The following AFF1 variants were observed in gnomAD, a reference collection of about 807,000 sequenced individuals.
AFF1 encodes the protein AF4/FMR2 family member 1.
AFF1 carries 48 observed loss-of-function variants against 121.7 expected under a neutral mutation model. The observed-to-expected ratio is 0.39, with a 90% confidence interval of 0.31 to 0.50. The LOEUF is 0.50. Among genes scored for constraint, AFF1 ranks in the 20% least tolerant of loss-of-function variants. The pLI, the probability that AFF1 is intolerant of heterozygous loss-of-function variation, is 0.76. For synonymous variants in AFF1, 613 were observed against 563.0 expected (o/e 1.09, Z -1.26); for missense variants, 1,523 against 1,511.7 (o/e 1.01, Z -0.12).
intron 2 of AFF1, among the ~76,000 whole-genome samples, chr4:86,991,624 C>T (rs1253749126): frequency 6.6e-6 from 1 of 152,102 alleles, no homozygotes; most frequent in African/African-American, 2.4e-5. Context: ...GGCTACTACC[C>T]TTAAGACTCA....
intron 2 of AFF1, among the ~76,000 whole-genome samples, chr4:86,977,915 C>A (rs1003118368): frequency 6.6e-6 from 1 of 152,036 alleles, no homozygotes; most frequent in Non-Finnish European, 1.5e-5. Context: ...TTATCGAGTG[C>A]CTACTGCACA....
Position 87,081,152 on chromosome 4 carries a change from AT to A in AFF1, c.1060-2941del, listed in dbSNP as rs549510832. Among the ~76,000 whole-genome samples, 81 of 89,720 alleles carry A rather than the reference AT, an allele frequency of 9.0e-4. No homozygotes were observed. The South Asian group carries it at 9.1e-3, about 10-fold the overall frequency. 58.9% of individuals were successfully genotyped at this position (89,720 alleles called of 152,430 possible). ...TTGTAGTTTTTCTCTAATGAAATGA[AT>A]TTTTTTTTTTTTTTTTTTTTTTTTT... On this transcript the variant is annotated intron_variant, in intron 4 of 20. Transcript: ENST00000395146.
intron 2 of AFF1, among the ~76,000 whole-genome samples, chr4:87,043,029 G>A (rs1730312179): frequency 6.6e-6 from 1 of 152,202 alleles, no homozygotes; most frequent in South Asian, 2.1e-4. Flanking sequence ...AGGACTCTGA[G>A]CAGCCTGTTA....
chr4:87,029,423 A>G (rs923698614), intron 2 of AFF1, among the ~76,000 whole-genome samples: 1 of 152,164 alleles, frequency 6.6e-6, no homozygotes, highest in East Asian at 1.9e-4. Flanking sequence ...ATGTCTTTTT[A>G]TGTACGTAAA....
rs1422583797 is a variant in AFF1 at position 87,126,339 on chromosome 4, G to A, written c.2811+3G>A. Reference sequence around the variant, plus strand: ...CCAGAAGCTCCTCGGAGCACAAGGTGAGCAGGGGCGGCGGTCACTCTGTAA... The same window carrying A: ...CCAGAAGCTCCTCGGAGCACAAGGTAAGCAGGGGCGGCGGTCACTCTGTAA... On this transcript the variant is annotated splice_donor_region_variant and intron_variant, in intron 14 of 20. Transcript: ENST00000395146. The A allele has an allele frequency of 2.5e-6, 4 of 1,613,118 alleles. No homozygotes were observed. In the Admixed American group the frequency reaches 6.7e-5, roughly 27 times the overall value.
intron 2 of AFF1, among the ~76,000 whole-genome samples, chr4:86,998,348 A>G (rs2149516815): frequency 6.6e-6 from 1 of 152,342 alleles, no homozygotes; most frequent in Middle Eastern, 3.4e-3. Flanking sequence ...AGTGGATTAG[A>G]TGACCCTTAC....
chr4:87,073,384 T>G (rs560244965), intron 4 of AFF1, among the ~76,000 whole-genome samples: 8 of 151,542 alleles, frequency 5.3e-5, no homozygotes, highest in Non-Finnish European at 7.4e-5. Context: ...TTGCCTTCTC[T>G]CTTTTGCGTT....
chr4:87,131,894 T>A, intron 18 of AFF1, 30 bp downstream of exon 18: 3 of 1,506,320 alleles, frequency 2.0e-6, no homozygotes, highest in Non-Finnish European at 2.7e-6. Flanking sequence ...TAAATAGTAC[T>A]AAATTTGTTT....
intron 12 of AFF1, among the ~76,000 whole-genome samples, chr4:87,116,777 G>C (rs1408117151): frequency 6.6e-6 from 1 of 152,190 alleles, no homozygotes; most frequent in Admixed American, 6.5e-5. Context: ...AGCTAGAAGA[G>C]GGCATATTTT....
At chr4:87,051,139 T>C (rs541815773) in intron 4 of AFF1, among the ~76,000 whole-genome samples, 1 of 152,348 alleles carries the variant, frequency 6.6e-6, no homozygotes, top group African/African-American at 2.4e-5. Context: ...CTCTTTCATT[T>C]TGCAAATAAG....
intron 11 of AFF1, 101 bp downstream of exon 11, chr4:87,108,416 C>A: frequency 7.9e-7 from 1 of 1,266,640 alleles, no homozygotes. Context: ...GAGACTGAGT[C>A]ATTCTGTCCC....
At chr4:87,031,497 A>G (rs1729085084) in intron 2 of AFF1, among the ~76,000 whole-genome samples, 2 of 150,508 alleles carry the variant, frequency 1.3e-5, no homozygotes, top group South Asian at 4.2e-4. Flanking sequence ...TAAATTGTGG[A>G]ATCCCTCACC....
At chr4:87,090,741 T>C (rs1724214942) in intron 6 of AFF1, among the ~76,000 whole-genome samples, 1 of 152,118 alleles carries the variant, frequency 6.6e-6, no homozygotes, top group Non-Finnish European at 1.5e-5. Context: ...AGGCCAGGTA[T>C]GGTGGCTCAT....
At chr4:86,954,044 T>TA (rs929971256) in intron 2 of AFF1, among the ~76,000 whole-genome samples, 7 of 152,080 alleles carry the variant, frequency 4.6e-5, no homozygotes, top group African/African-American at 1.7e-4. Context: ...TGAACACATG[T>TA]AACAGATTAA....
At chr4:87,067,244 C>G (rs981345367) in intron 4 of AFF1, among the ~76,000 whole-genome samples, 2 of 152,200 alleles carry the variant, frequency 1.3e-5, no homozygotes, top group African/African-American at 4.8e-5. Flanking sequence ...AGAACATACT[C>G]TGTGTGTACA....
At chr4:87,123,355 A>G (rs1727908847) in intron 12 of AFF1, among the ~76,000 whole-genome samples, 1 of 152,212 alleles carries the variant, frequency 6.6e-6, no homozygotes. Context: ...ATTCAAGTTC[A>G]GGTGCTCCCT....
At chr4:86,977,556 A>G (rs1723392387) in intron 2 of AFF1, among the ~76,000 whole-genome samples, 1 of 151,978 alleles carries the variant, frequency 6.6e-6, no homozygotes, top group South Asian at 2.1e-4. Context: ...CTCCAACCTC[A>G]CCTTTTTCCC....
chr4:87,084,581 T>C (rs1723519989), intron 5 of AFF1, among the ~76,000 whole-genome samples: 1 of 147,928 alleles, frequency 6.8e-6, no homozygotes, highest in Non-Finnish European at 1.5e-5. Flanking sequence ...AATAAATAAA[T>C]AAATAAATAA....
chr4:87,066,075 C>G (rs1385602384), intron 4 of AFF1, among the ~76,000 whole-genome samples: 1 of 152,122 alleles, frequency 6.6e-6, no homozygotes, highest in Non-Finnish European at 1.5e-5. Flanking sequence ...TTCATGGTAC[C>G]AGAACAGGGC....
Sources: gnomAD v4.1 joint callset for allele counts (sites outside exome capture counted in the v4.1 genomes callset) on GRCh38, gnomAD v4.1.1 for gene constraint, MANE v1.5 for transcripts, NCBI Gene and HGNC (gene_info 2026-07-23, HGNC 2026-07-21) for gene names.